The following PRELID2 variants were observed in gnomAD, a reference collection of about 807,000 sequenced individuals.
The protein encoded by PRELID2 is PRELI domain-containing protein 2.
PRELID2 carries 25 observed loss-of-function variants against 28.4 expected under a neutral mutation model. The observed-to-expected ratio is 0.88, with a 90% CI of 0.64 to 1.23. The LOEUF (loss-of-function observed/expected upper bound fraction) is 1.23. Among genes scored for constraint, PRELID2 ranks in the 50% most tolerant of loss-of-function variants. PRELID2 has a pLI of 0.00. For synonymous variants in PRELID2, 76 were observed against 71.6 expected, an observed-to-expected ratio of 1.06 and a Z score of -0.31; for missense variants, 201 against 214.4, an observed-to-expected ratio of 0.94 and a Z score of 0.39.
chr5:145,364,575 T>G, the PRELID2 span, among the ~76,000 whole-genome samples: 2 of 152,038 alleles, frequency 1.3e-5, no homozygotes, highest in African/African-American at 4.8e-5. Context: ...AACAAATGTT[T>G]GTTAGATATC....
At chr5:145,780,362 C>G (rs1260353846) in intron 5 of PRELID2, among the ~76,000 whole-genome samples, 1 of 152,196 alleles carries the variant, frequency 6.6e-6, no homozygotes, top group Non-Finnish European at 1.5e-5. Flanking sequence ...GCTTCATGTA[C>G]ATAGCTCATT....
intron 1 of PRELID2, among the ~76,000 whole-genome samples, chr5:145,685,668 G>C (rs1301352551): frequency 6.6e-6 from 1 of 152,086 alleles, no homozygotes; most frequent in Non-Finnish European, 1.5e-5. Context: ...ATTAATCAGA[G>C]AGAGACAGAG....
At chr5:145,775,118 T>C (rs1339645333) in intron 5 of PRELID2, among the ~76,000 whole-genome samples, 1 of 151,954 alleles carries the variant, frequency 6.6e-6, no homozygotes, top group South Asian at 2.1e-4. Context: ...TGTACGCCTG[T>C]GGCCCCAGCT....
the PRELID2 span, among the ~76,000 whole-genome samples, chr5:145,332,023 T>A: frequency 3.3e-5 from 5 of 152,226 alleles, no homozygotes; most frequent in Admixed American, 2.6e-4. Context: ...TCTCCTTCGC[T>A]TCTGAAGCTT....
intron 1 of PRELID2, among the ~76,000 whole-genome samples, chr5:145,531,851 A>C (rs1752657259): frequency 6.6e-6 from 1 of 152,144 alleles, no homozygotes. Flanking sequence ...TATTAAGAAA[A>C]ATAGCTAATC....
At chr5:145,291,461 A>G in the PRELID2 span, among the ~76,000 whole-genome samples, 1 of 151,818 alleles carries the variant, frequency 6.6e-6, no homozygotes, top group African/African-American at 2.4e-5. Context: ...AGCTAGAAAG[A>G]GGCAAGGAAA....
intron 1 of PRELID2, among the ~76,000 whole-genome samples, chr5:145,695,171 C>G (rs1030425881): frequency 2.0e-5 from 3 of 152,178 alleles, no homozygotes; most frequent in African/African-American, 7.2e-5. Context: ...CAAACAGGTA[C>G]AGGGAGGGGA....
At chr5:145,765,683 G>A (rs749565077) in intron 5 of PRELID2, among the ~76,000 whole-genome samples, 2 of 152,136 alleles carry the variant, frequency 1.3e-5, no homozygotes, top group East Asian at 1.9e-4. Flanking sequence ...GTGCATTGCA[G>A]TTCAAAAATC....
chr5:145,789,475 A>T (rs1454679574), intron 5 of PRELID2, among the ~76,000 whole-genome samples: 2 of 152,172 alleles, frequency 1.3e-5, no homozygotes, highest in Non-Finnish European at 2.9e-5. Context: ...CCTGTATCTC[A>T]CACCATATAC....
the PRELID2 span, among the ~76,000 whole-genome samples, chr5:145,423,771 G>A: frequency 3.9e-5 from 5 of 126,978 alleles, no homozygotes; most frequent in African/African-American, 1.5e-4. Flanking sequence ...TTGTTCCGTT[G>A]CTGGTGAGGA....
intron 1 of PRELID2, among the ~76,000 whole-genome samples, chr5:145,727,228 G>C (rs1460079057): frequency 1.3e-5 from 2 of 152,158 alleles, no homozygotes; most frequent in Non-Finnish European, 2.9e-5. Context: ...GAAGCAAGGA[G>C]CCAGCAAGTC....
At chr5:145,238,118 G>T in the PRELID2 span, among the ~76,000 whole-genome samples, 1 of 152,042 alleles carries the variant, frequency 6.6e-6, no homozygotes, top group East Asian at 1.9e-4. Flanking sequence ...ACTGTAACAA[G>T]TTTGGTTCCC....
intron 1 of PRELID2, among the ~76,000 whole-genome samples, chr5:145,501,549 A>G (rs964659635): frequency 2.0e-5 from 3 of 152,240 alleles, no homozygotes; most frequent in Admixed American, 6.5e-5. Flanking sequence ...ATGAGAGCTG[A>G]TGGTTTTATA....
chr5:145,402,269 A>T, the PRELID2 span, among the ~76,000 whole-genome samples: 6 of 152,284 alleles, frequency 3.9e-5, no homozygotes, highest in Admixed American at 2.6e-4. Context: ...TTGAGTGGGT[A>T]AAAGCTAAGG....
At chr5:145,679,508 A>C (rs901794499) in intron 1 of PRELID2, among the ~76,000 whole-genome samples, 5 of 152,146 alleles carry the variant, frequency 3.3e-5, no homozygotes, top group African/African-American at 9.7e-5. Flanking sequence ...TTGACTTATC[A>C]TAATCATTAA....
chr5:145,424,416 A>G, the PRELID2 span, among the ~76,000 whole-genome samples: 1 of 152,232 alleles, frequency 6.6e-6, no homozygotes, highest in East Asian at 1.9e-4. Flanking sequence ...CCTCCCAGCC[A>G]GGTGCGGGAT....
intron 1 of PRELID2, among the ~76,000 whole-genome samples, chr5:145,693,857 T>C (rs966250503): frequency 6.6e-6 from 1 of 152,214 alleles, no homozygotes; most frequent in African/African-American, 2.4e-5. Context: ...ACAAATGATG[T>C]TGGAGAAGAA....
intron 1 of PRELID2, among the ~76,000 whole-genome samples, chr5:145,740,829 T>TATATATTTATCGATAAATATATATGTAC (rs1367194082): frequency 1.2e-5 from 1 of 86,034 alleles, no homozygotes; most frequent in African/African-American, 5.1e-5. Context: ...TATATACAAA[T>TATATATTTATCGATAAATATATATGTAC]ATATATTTAT....
At chr5:145,733,154 C>T (rs1179210865) in intron 1 of PRELID2, among the ~76,000 whole-genome samples, 4 of 151,758 alleles carry the variant, frequency 2.6e-5, no homozygotes, top group East Asian at 1.9e-4. Context: ...ACTCGCTACT[C>T]GAGAGGCTGA....
Sources: allele counts gnomAD v4.1 joint callset (sites outside exome capture counted in the v4.1 genomes callset), GRCh38; gene constraint gnomAD v4.1.1; transcripts MANE v1.5; gene names NCBI Gene and HGNC (gene_info 2026-07-23, HGNC 2026-07-21).